Variants in SAMD12 observed in about 807,000 individuals in gnomAD.
The protein encoded by SAMD12 is sterile alpha motif domain containing 12, also known as sterile alpha motif domain-containing protein 12.
SAMD12 carries 9 observed loss-of-function variants against 15.0 expected under a neutral mutation model. The ratio of observed to expected loss-of-function variants is 0.60; its 90% CI spans 0.36 to 1.05. SAMD12 has a LOEUF of 1.05. Among genes scored for constraint, SAMD12 ranks in the 50% least tolerant of loss-of-function variants. The pLI, the probability that SAMD12 is intolerant of heterozygous loss-of-function variation, is 0.01. For synonymous variants in SAMD12, 86 were observed against 90.1 expected, an observed-to-expected ratio of 0.96 and a Z score of 0.25; for missense variants, 230 against 234.2, an observed-to-expected ratio of 0.98 and a Z score of 0.12.
intron 2 of SAMD12, among the ~76,000 whole-genome samples, chr8:118,460,718 G>A (rs936304107): frequency 2.0e-5 from 3 of 152,168 alleles, no homozygotes; most frequent in Admixed American, 1.3e-4. Context: ...GAAAAAGCTG[G>A]AGTAGAGCAG....
At chr8:118,501,477 T>G (rs187152590) in intron 2 of SAMD12, among the ~76,000 whole-genome samples, 20 of 152,284 alleles carry the variant, frequency 1.3e-4, no homozygotes, top group African/African-American at 4.3e-4. Context: ...TTAAAAAAAT[T>G]TTTAAAATGT....
the SAMD12 span, among the ~76,000 whole-genome samples, chr8:118,165,621 TATATATATATATATAC>T: frequency 7.7e-6 from 1 of 129,412 alleles, no homozygotes; most frequent in East Asian, 3.1e-4. Context: ...TATGTATATA[TATATATATATATATAC>T]ATATATATAT....
chr8:118,615,467 C>T (rs748051368), intron 1 of SAMD12, among the ~76,000 whole-genome samples: 23 of 152,218 alleles, frequency 1.5e-4, no homozygotes, highest in Non-Finnish European at 2.6e-4. Context: ...CTCCCCACCA[C>T]ATCTCGTAGA....
At chr8:118,134,225 CG>C in the SAMD12 span, among the ~76,000 whole-genome samples, 1 of 152,160 alleles carries the variant, frequency 6.6e-6, no homozygotes, top group South Asian at 2.1e-4. Context: ...CTTCAACAAC[CG>C]ACTGTCTCTG....
intron 2 of SAMD12, among the ~76,000 whole-genome samples, chr8:118,523,052 T>C (rs969830176): frequency 2.0e-5 from 3 of 152,200 alleles, no homozygotes; most frequent in African/African-American, 4.8e-5. Flanking sequence ...ACTTTTTAGA[T>C]ATATATCTAA....
intron 2 of SAMD12, among the ~76,000 whole-genome samples, chr8:118,536,901 T>C (rs1325014784): frequency 2.6e-5 from 4 of 152,270 alleles, no homozygotes; most frequent in African/African-American, 4.8e-5. Context: ...TGCTCATTAA[T>C]GTCCTTTTCT....
At chr8:118,535,218 G>C (rs925979006) in intron 2 of SAMD12, among the ~76,000 whole-genome samples, 3 of 152,230 alleles carry the variant, frequency 2.0e-5, no homozygotes, top group African/African-American at 7.2e-5. Context: ...GTCCACTCCA[G>C]ACCCTGTTTG....
In SAMD12 at chr8:118,524,187, C is replaced by G. The variant is rs183002970; in HGVS notation, c.192+56528G>C. 2.5e-3 allele frequency among the ~76,000 whole-genome samples: 388 copies of G among 152,262 alleles called. 4 individuals carry two copies. Among genetic ancestry groups the G allele is most frequent in the African/African-American group, 9.1e-3 (380 of 41,550 alleles). Reference sequence around the variant, plus strand: ...TCCACCAGACCCACTCTCTTGTGAACCACTTCTAACAGGCTTTTTCCCCTT... The same window carrying G: ...TCCACCAGACCCACTCTCTTGTGAAGCACTTCTAACAGGCTTTTTCCCCTT... On this transcript the variant is annotated intron_variant, in intron 2 of 3. Transcript: ENST00000314727.
chr8:118,495,385 T>C (rs1426960680), intron 2 of SAMD12, among the ~76,000 whole-genome samples: 1 of 152,150 alleles, frequency 6.6e-6, no homozygotes, highest in Non-Finnish European at 1.5e-5. Flanking sequence ...GTTCCAAATA[T>C]ATTGACCCTG....
the SAMD12 span, among the ~76,000 whole-genome samples, chr8:118,146,628 T>C: frequency 6.6e-6 from 1 of 152,158 alleles, no homozygotes; most frequent in African/African-American, 2.4e-5. Context: ...GGTTACACAG[T>C]CCATCTCCCG....
chr8:118,269,220 CTGTGTGTG>C (rs71515963), intron 4 of SAMD12, among the ~76,000 whole-genome samples: 21,271 of 121,726 alleles, frequency 0.17, 1,785 homozygotes, highest in African/African-American at 0.22. Flanking sequence ...CTCTCTCTCT[CTGTGTGTG>C]TGTGTGTGTG....
chr8:118,134,632 A>G, the SAMD12 span, among the ~76,000 whole-genome samples: 2 of 152,188 alleles, frequency 1.3e-5, no homozygotes, highest in South Asian at 4.1e-4. Flanking sequence ...TCTACGGTTT[A>G]ATGAGCTCTC....
intron 2 of SAMD12, among the ~76,000 whole-genome samples, chr8:118,578,976 C>A (rs929337136): frequency 6.6e-6 from 1 of 152,192 alleles, no homozygotes; most frequent in Non-Finnish European, 1.5e-5. Flanking sequence ...TATACACATC[C>A]ACACTCATTG....
chr8:118,470,684 C>G (rs907902637), intron 2 of SAMD12, among the ~76,000 whole-genome samples: 1 of 152,188 alleles, frequency 6.6e-6, no homozygotes, highest in Non-Finnish European at 1.5e-5. Flanking sequence ...GTGATTATTA[C>G]TCCCATAAAA....
intron 3 of SAMD12, among the ~76,000 whole-genome samples, chr8:118,430,653 C>T (rs1368717804): frequency 6.6e-6 from 1 of 152,216 alleles, no homozygotes; most frequent in Non-Finnish European, 1.5e-5. Context: ...AGCCACCACG[C>T]TCAGACTAAT....
chr8:118,543,184 C>T (rs1356120656), intron 2 of SAMD12, among the ~76,000 whole-genome samples: 1 of 152,132 alleles, frequency 6.6e-6, no homozygotes, highest in Non-Finnish European at 1.5e-5. Flanking sequence ...CGCCCAGGGT[C>T]CTGCAGACTT....
At chr8:118,319,135 A>T (rs1816098009) in intron 4 of SAMD12, among the ~76,000 whole-genome samples, 1 of 152,288 alleles carries the variant, frequency 6.6e-6, no homozygotes, top group Non-Finnish European at 1.5e-5. Flanking sequence ...ATAGTTCATA[A>T]ATATCTACCA....
intron 2 of SAMD12, among the ~76,000 whole-genome samples, chr8:118,486,411 G>A (rs1464723819): frequency 4.0e-5 from 5 of 126,428 alleles, no homozygotes; most frequent in Admixed American, 1.5e-4. Flanking sequence ...GAGAGAATCC[G>A]TCTAAAAAAA....
At chr8:118,149,607 T>C in the SAMD12 span, among the ~76,000 whole-genome samples, 640 of 152,244 alleles carry the variant, frequency 4.2e-3, 5 homozygotes, top group African/African-American at 0.015. Context: ...CTTTCTTCTA[T>C]GGGTTGTGTT....
Sources: allele counts gnomAD v4.1 joint callset (sites outside exome capture counted in the v4.1 genomes callset), GRCh38; gene constraint gnomAD v4.1.1; transcripts MANE v1.5; gene names NCBI Gene and HGNC (gene_info 2026-07-23, HGNC 2026-07-21).